LRP1B: variants seen among roughly 807,000 people sequenced by gnomAD.
The protein encoded by LRP1B is low-density lipoprotein receptor-related protein 1B.
In LRP1B, 217 loss-of-function variants were observed where a neutral mutation model predicts 556.6. The ratio of observed to expected loss-of-function variants is 0.39; its 90% CI spans 0.35 to 0.44. The LOEUF (loss-of-function observed/expected upper bound fraction) is 0.44. Ranked by LOEUF, LRP1B falls within the 20% of genes least tolerant of loss-of-function variation. LRP1B has a pLI of 1.00. For missense variants in LRP1B, 5,053 were observed against 5,620.8 expected (o/e 0.90, Z 3.23); for synonymous variants, 2,047 against 1,865.8 (o/e 1.10, Z -2.50).
chr2:140,371,070 T>C (rs1000986174), intron 70 of LRP1B, 109 bp downstream of exon 70: 4 of 855,440 alleles, frequency 4.7e-6, no homozygotes, highest in South Asian at 2.0e-5. Context: ...ATATCTAACA[T>C]GTTAAACCAT....
intron 2 of LRP1B, among the ~76,000 whole-genome samples, chr2:141,504,099 A>G (rs1683827692): frequency 6.6e-6 from 1 of 152,162 alleles, no homozygotes; most frequent in Non-Finnish European, 1.5e-5. Context: ...AAGGAGGGAT[A>G]TTGTGTGATA....
At chr2:141,731,156 G>C (rs577544570) in intron 2 of LRP1B, among the ~76,000 whole-genome samples, 10 of 152,178 alleles carry the variant, frequency 6.6e-5, no homozygotes, top group Admixed American at 5.9e-4. Flanking sequence ...TGGTATCATT[G>C]GGTTATGTAT....
chr2:142,041,500 T>C (rs1704064544), intron 1 of LRP1B, among the ~76,000 whole-genome samples: 1 of 151,516 alleles, frequency 6.6e-6, no homozygotes, highest in African/African-American at 2.4e-5. Context: ...ACCGTATTTA[T>C]GAATGAAGAA....
chr2:140,372,529 T>C (rs566025373), intron 69 of LRP1B, among the ~76,000 whole-genome samples: 1 of 152,130 alleles, frequency 6.6e-6, no homozygotes, highest in African/African-American at 2.4e-5. Flanking sequence ...TTGAGTAGTG[T>C]ATCTTTTTTC....
At chr2:140,497,398 C>G (rs10174151) in intron 55 of LRP1B, among the ~76,000 whole-genome samples, 1 of 151,734 alleles carries the variant, frequency 6.6e-6, no homozygotes, top group Non-Finnish European at 1.5e-5. Context: ...GGAATTGGTA[C>G]TTAACTATGG....
At chr2:141,143,080 T>C (rs533119934) in intron 7 of LRP1B, among the ~76,000 whole-genome samples, 1 of 151,864 alleles carries the variant, frequency 6.6e-6, no homozygotes, top group Non-Finnish European at 1.5e-5. Context: ...AGGCGCGTGC[T>C]ACCACGCCTG....
At chr2:141,267,121 C>A (rs1249823818) in intron 3 of LRP1B, among the ~76,000 whole-genome samples, 1 of 152,104 alleles carries the variant, frequency 6.6e-6, no homozygotes, top group East Asian at 1.9e-4. Flanking sequence ...TGTGGGTTGG[C>A]AATTGTATTA....
intron 2 of LRP1B, among the ~76,000 whole-genome samples, chr2:141,647,521 G>C (rs926075147): frequency 3.9e-5 from 6 of 152,156 alleles, no homozygotes; most frequent in Admixed American, 3.3e-4. Flanking sequence ...GATTATCGTG[G>C]TTGAGAATAG....
chr2:141,207,625 A>G (rs1467941866), intron 6 of LRP1B, among the ~76,000 whole-genome samples: 5 of 152,136 alleles, frequency 3.3e-5, no homozygotes, highest in Non-Finnish European at 4.4e-5. Flanking sequence ...TAAGACTAAC[A>G]ATTAATATTC....
chr2:140,905,346 G>C (rs1694220175), intron 22 of LRP1B, among the ~76,000 whole-genome samples: 1 of 152,052 alleles, frequency 6.6e-6, no homozygotes, highest in African/African-American at 2.4e-5. Flanking sequence ...TAAATTGTCT[G>C]CCTGAGAACG....
intron 3 of LRP1B, among the ~76,000 whole-genome samples, chr2:141,314,529 C>T (rs1330734712): frequency 1.3e-5 from 2 of 151,922 alleles, no homozygotes; most frequent in Non-Finnish European, 2.9e-5. Context: ...CGGTGGCTCA[C>T]GCCTGTAATC....
intron 7 of LRP1B, among the ~76,000 whole-genome samples, chr2:141,116,345 TACTC>T (rs1467121415): frequency 3.9e-5 from 6 of 152,308 alleles, no homozygotes; most frequent in Admixed American, 1.3e-4. Flanking sequence ...GTAAAGCAAA[TACTC>T]AGTGTTGTTT....
chr2:140,805,825 G>A (rs1299673501), intron 32 of LRP1B, among the ~76,000 whole-genome samples: 1 of 152,096 alleles, frequency 6.6e-6, no homozygotes, highest in Non-Finnish European at 1.5e-5. Context: ...ATAATGGATA[G>A]ATAAGAATTA....
intron 43 of LRP1B, among the ~76,000 whole-genome samples, chr2:140,550,796 A>T (rs2105048857): frequency 6.6e-6 from 1 of 152,268 alleles, no homozygotes; most frequent in Middle Eastern, 3.4e-3. Flanking sequence ...GGAATATAAA[A>T]AGTCATCTGT....
At chr2:140,921,905 AC>A (rs1694745817) in intron 21 of LRP1B, among the ~76,000 whole-genome samples, 1 of 144,122 alleles carries the variant, frequency 6.9e-6, no homozygotes, top group South Asian at 2.2e-4. Context: ...GTGTTTTCTT[AC>A]ACCTTTTACA....
intron 79 of LRP1B, 149 bp downstream of exon 79, chr2:140,334,304 T>C (rs1351374830): frequency 1.7e-6 from 1 of 581,526 alleles, no homozygotes; most frequent in Non-Finnish European, 3.0e-6. Context: ...AAATAGGAAA[T>C]GAAATGTAAA....
At chr2:140,534,616 T>C (rs998017864) in intron 46 of LRP1B, among the ~76,000 whole-genome samples, 2 of 152,146 alleles carry the variant, frequency 1.3e-5, no homozygotes, top group African/African-American at 4.8e-5. Context: ...TATCAATAAA[T>C]TTCTCTTAAA....
intron 35 of LRP1B, among the ~76,000 whole-genome samples, chr2:140,740,794 G>T (rs288127): frequency 0.24 from 36,515 of 151,916 alleles, 4,469 homozygotes; most frequent in East Asian, 0.29. Context: ...TCTTCATATG[G>T]TCTTTCCTCT....
intron 82 of LRP1B, among the ~76,000 whole-genome samples, chr2:140,321,342 A>T (rs16856002): frequency 0.076 from 11,539 of 151,808 alleles, 482 homozygotes; most frequent in Middle Eastern, 0.13. Flanking sequence ...CATGAATGAA[A>T]AAAATCTTAT....
Sources: gnomAD v4.1 joint callset for allele counts (sites outside exome capture counted in the v4.1 genomes callset) on GRCh38, gnomAD v4.1.1 for gene constraint, MANE v1.5 for transcripts, NCBI Gene and HGNC (gene_info 2026-07-23, HGNC 2026-07-21) for gene names.